Variants in SRBD1 observed in about 807,000 individuals in gnomAD.
The protein encoded by SRBD1 is S1 RNA-binding domain-containing protein 1.
A neutral mutation model predicts 115.3 loss-of-function variants in SRBD1; 88 were observed. The ratio of observed to expected loss-of-function variants is 0.76; its 90% CI spans 0.64 to 0.91. The LOEUF is 0.91. SRBD1 is among the 40% of genes least tolerant of loss of function. SRBD1 has a pLI of 0.00. For synonymous variants in SRBD1, 509 were observed against 407.7 expected (o/e 1.25, Z -2.99); for missense variants, 1,385 against 1,177.4 (o/e 1.18, Z -2.58).
chr2:45,389,201 T>C lies in SRBD1; in HGVS notation c.*109A>G, dbSNP rs1558545338. The C allele has an allele frequency of 1.6e-6, 2 of 1,243,368 alleles. No homozygotes were observed. Among genetic ancestry groups the C allele is most frequent in the Non-Finnish European group, 2.2e-6 (2 of 899,762 alleles). The allele number at this position is 1,243,368 out of a possible 1,614,324, so 77.0% of individuals were successfully genotyped here. A position where few individuals can be genotyped will look rare whatever the true frequency, so the allele number is the denominator to read the frequency against. ...AGTGTTTGGAAAATATTTCTGATAT[T>C]AAGTGAATTATTTCTCATCTGCTAC... On this transcript the variant is annotated 3_prime_UTR_variant, in exon 21 of 21. Transcript: ENST00000263736.
chr2:45,485,403 T>G (rs1670087521), intron 15 of SRBD1, among the ~76,000 whole-genome samples: 2 of 152,216 alleles, frequency 1.3e-5, no homozygotes, highest in Admixed American at 1.3e-4. Context: ...TTTATCTTAG[T>G]AGGTTTTATC....
chr2:45,555,992 C>G (rs775809324), intron 10 of SRBD1, among the ~76,000 whole-genome samples: 3 of 152,138 alleles, frequency 2.0e-5, no homozygotes, highest in Non-Finnish European at 2.9e-5. Flanking sequence ...TACTCTCATC[C>G]CCTTTACTTA....
chr2:45,602,640 T>C (rs1355835303), intron 2 of SRBD1, among the ~76,000 whole-genome samples: 1 of 152,200 alleles, frequency 6.6e-6, no homozygotes, highest in African/African-American at 2.4e-5. Flanking sequence ...CCTGATTAGA[T>C]TGGATCAGGT....
intron 16 of SRBD1, among the ~76,000 whole-genome samples, chr2:45,462,052 GA>G (rs199982362): frequency 4.0e-5 from 6 of 150,582 alleles, no homozygotes; most frequent in East Asian, 1.9e-4. Context: ...AACATTACAG[GA>G]AAAAAAAAGG....
intron 16 of SRBD1, among the ~76,000 whole-genome samples, chr2:45,423,620 A>G (rs1291274927): frequency 6.6e-6 from 1 of 152,106 alleles, no homozygotes; most frequent in African/African-American, 2.4e-5. Context: ...TCTACCAAAC[A>G]TTTGAAGAAC....
intron 8 of SRBD1, 143 bp from the exon 9 acceptor site, chr2:45,573,485 T>A (rs1673084317): frequency 2.2e-6 from 2 of 902,260 alleles, no homozygotes; most frequent in African/African-American, 1.7e-5. Flanking sequence ...GAAATTGATA[T>A]TACTACCCCA....
intron 14 of SRBD1, among the ~76,000 whole-genome samples, chr2:45,489,579 C>A (rs1209998383): frequency 6.6e-6 from 1 of 152,156 alleles, no homozygotes; most frequent in East Asian, 1.9e-4. Context: ...AACTGAAAAG[C>A]AAGGCTGCTT....
rs574460065 is a variant in SRBD1, at chr2:45,545,039, G to A, written c.1874+1693C>T. On this transcript the variant is annotated intron_variant, in intron 14 of 20. Coordinates refer to ENST00000263736, the MANE Select transcript of SRBD1 (RefSeq NM_018079.5). ...CTCATGCCTGTAATCGCAGCACTTT[G>A]GGAGGCTGAGGCAGGCGGATCACGA... Among the ~76,000 whole-genome samples, 231 of 152,100 alleles carry A rather than the reference G, an allele frequency of 1.5e-3. 1 individual carries two copies. The highest frequency in any genetic ancestry group is 5.5e-3 in the African/African-American group (228 of 41,504).
chr2:45,468,233 T>C (rs1426110615), intron 16 of SRBD1, among the ~76,000 whole-genome samples: 4 of 152,184 alleles, frequency 2.6e-5, no homozygotes, highest in Admixed American at 2.6e-4. Flanking sequence ...TTACATCTTA[T>C]GAGGTTTCTC....
At chr2:45,581,078 T>G (rs1673347367) in intron 6 of SRBD1, among the ~76,000 whole-genome samples, 1 of 152,174 alleles carries the variant, frequency 6.6e-6, no homozygotes, top group Non-Finnish European at 1.5e-5. Context: ...CAAAAATCCA[T>G]GATGATCTCC....
chr2:45,546,640 A>T, intron 14 of SRBD1, 92 bp downstream of exon 14: 1 of 1,245,224 alleles, frequency 8.0e-7, no homozygotes, highest in Non-Finnish European at 1.2e-6. Flanking sequence ...AAGAAGATGT[A>T]CATCTTAAAA....
At chr2:45,544,430 G>C (rs1334325454) in intron 14 of SRBD1, among the ~76,000 whole-genome samples, 1 of 152,134 alleles carries the variant, frequency 6.6e-6, no homozygotes, top group African/African-American at 2.4e-5. Context: ...AGCTAAAAGA[G>C]GATTAAAACT....
intron 14 of SRBD1, among the ~76,000 whole-genome samples, chr2:45,517,129 G>GT (rs1297579359): frequency 2.0e-5 from 3 of 152,120 alleles, no homozygotes; most frequent in African/African-American, 7.2e-5. Context: ...AGTAATGAGG[G>GT]TATCTAAAGC....
intron 14 of SRBD1, among the ~76,000 whole-genome samples, chr2:45,495,777 C>A (rs1670438246): frequency 6.6e-6 from 1 of 152,144 alleles, no homozygotes. Flanking sequence ...TGCAACAGTA[C>A]TATAAACATT....
intron 14 of SRBD1, among the ~76,000 whole-genome samples, chr2:45,501,646 C>T (rs1670633904): frequency 1.3e-5 from 2 of 152,200 alleles, no homozygotes; most frequent in African/African-American, 2.4e-5. Context: ...GATTATATCC[C>T]ACGCCTGGCT....
At chr2:45,586,074 AG>A (rs1291906183) in intron 4 of SRBD1, among the ~76,000 whole-genome samples, 1 of 152,160 alleles carries the variant, frequency 6.6e-6, no homozygotes, top group African/African-American at 2.4e-5. Flanking sequence ...TCATATTGGT[AG>A]CAAAGCAAGG....
chr2:45,548,925 A>G (rs1672205278), intron 12 of SRBD1: 1 of 152,212 alleles, frequency 6.6e-6, no homozygotes, highest in Admixed American at 6.5e-5. Flanking sequence ...GGAAGGAAGC[A>G]GAAAGAAACA....
intron 2 of SRBD1, among the ~76,000 whole-genome samples, chr2:45,604,957 G>A (rs986793824): frequency 1.3e-5 from 2 of 152,076 alleles, no homozygotes; most frequent in African/African-American, 4.8e-5. Flanking sequence ...GAAGCTATTG[G>A]CATCCAGTGG....
chr2:45,528,953 A>G (rs902528548), intron 14 of SRBD1, among the ~76,000 whole-genome samples: 1 of 151,924 alleles, frequency 6.6e-6, no homozygotes, highest in African/African-American at 2.4e-5. Flanking sequence ...CAAATCTTTG[A>G]CTCTACCATG....
Sources: gnomAD v4.1 joint callset for allele counts (sites outside exome capture counted in the v4.1 genomes callset) on GRCh38, gnomAD v4.1.1 for gene constraint, MANE v1.5 for transcripts, NCBI Gene and HGNC (gene_info 2026-07-23, HGNC 2026-07-21) for gene names.